Variants in HDAC8 observed in about 807,000 individuals in gnomAD.
The protein encoded by HDAC8 is histone deacetylase-like 1.
Under a neutral mutation model 32.2 loss-of-function variants are expected in HDAC8, and 1 was observed. The ratio of observed to expected loss-of-function variants is 0.03; its 90% CI spans 0.01 to 0.15. The LOEUF (loss-of-function observed/expected upper bound fraction) is 0.15. HDAC8 is among the 10% of genes least tolerant of loss of function. HDAC8 has a pLI of 1.00. For missense variants in HDAC8, 117 were observed against 300.0 expected, an observed-to-expected ratio of 0.39 and a Z score of 4.51; for synonymous variants, 108 against 113.9, an observed-to-expected ratio of 0.95 and a Z score of 0.33.
At chrX:72,438,541 A>G (rs1182897473) in intron 9 of HDAC8, among the ~76,000 whole-genome samples, 3 of 111,701 alleles carry the variant, frequency 2.7e-5, no homozygotes, top group African/African-American at 9.8e-5. Flanking sequence ...GTTCTAACCC[A>G]ATGCAAGGAA....
chrX:72,353,904 A>G (rs2044252918), intron 9 of HDAC8, among the ~76,000 whole-genome samples: 1 of 112,083 alleles, frequency 8.9e-6, no homozygotes, highest in African/African-American at 3.2e-5. Context: ...CGAAGATGAC[A>G]CTGCTGATTC....
At chrX:72,513,617 T>C (rs1173044118) in intron 4 of HDAC8, among the ~76,000 whole-genome samples, 1 of 111,504 alleles carries the variant, frequency 9.0e-6, no homozygotes, top group African/African-American at 3.3e-5. Context: ...CATGAGCCAC[T>C]GCGCCTGGCC....
intron 4 of HDAC8, among the ~76,000 whole-genome samples, chrX:72,565,867 C>T (rs782115592): frequency 6.3e-5 from 7 of 110,934 alleles, no homozygotes; most frequent in South Asian, 7.8e-4. Context: ...AAAAGGCAGG[C>T]GGTGTGCAGT....
At chrX:72,452,625 G>T (rs782124159) in intron 9 of HDAC8, among the ~76,000 whole-genome samples, 1 of 111,695 alleles carries the variant, frequency 9.0e-6, no homozygotes, top group Non-Finnish European at 1.9e-5. Context: ...AAAAAGGCTA[G>T]TCAAGACCTA....
chrX:72,504,528 T>A (rs1196379388), intron 4 of HDAC8, among the ~76,000 whole-genome samples: 1 of 111,633 alleles, frequency 9.0e-6, no homozygotes, highest in Non-Finnish European at 1.9e-5. Flanking sequence ...TAGAGCTGAA[T>A]AATATTCCAT....
chrX:72,494,282 C>T (rs150712671), intron 5 of HDAC8, among the ~76,000 whole-genome samples: 2,955 of 110,333 alleles, frequency 0.027, 103 homozygotes, highest in African/African-American at 0.092. Context: ...ATCCTTCTTT[C>T]TCTGTTTTGG....
intron 4 of HDAC8, among the ~76,000 whole-genome samples, chrX:72,521,305 C>T (rs1428947887): frequency 9.0e-6 from 1 of 111,172 alleles, no homozygotes; most frequent in Non-Finnish European, 1.9e-5. Flanking sequence ...CTCTCGCTGT[C>T]TTTGGAGTAG....
At chrX:72,420,716 C>T (rs1206789871) in intron 9 of HDAC8, among the ~76,000 whole-genome samples, 1 of 111,853 alleles carries the variant, frequency 8.9e-6, no homozygotes, top group African/African-American at 3.2e-5. Context: ...CAGTACATAA[C>T]GTCTGACTTT....
intron 7 of HDAC8, chrX:72,474,161 G>A (rs1187265682): frequency 9.3e-6 from 7 of 749,830 alleles, no homozygotes; most frequent in African/African-American, 4.6e-5. Flanking sequence ...CAGATCAAAT[G>A]TTACCTCCTC....
intron 9 of HDAC8, among the ~76,000 whole-genome samples, chrX:72,439,569 A>G (rs781809114): frequency 3.1e-4 from 33 of 106,281 alleles, no homozygotes; most frequent in Non-Finnish European, 6.2e-4. Context: ...CAGGAGGCCC[A>G]TCTCACGTGC....
chrX:72,540,018 A>G (rs1355684232), intron 4 of HDAC8, among the ~76,000 whole-genome samples: 3 of 111,903 alleles, frequency 2.7e-5, no homozygotes, highest in Non-Finnish European at 5.6e-5. Context: ...TGAGAAGGAA[A>G]GAGCTGATAT....
At chrX:72,552,428 T>A (rs1603225699) in intron 4 of HDAC8, among the ~76,000 whole-genome samples, 2 of 111,444 alleles carry the variant, frequency 1.8e-5, no homozygotes, top group South Asian at 7.5e-4. Flanking sequence ...CTGGCCAACA[T>A]GGCAAAACCC....
chrX:72,469,837 G>A (rs1191047910), intron 7 of HDAC8, among the ~76,000 whole-genome samples: 1 of 110,896 alleles, frequency 9.0e-6, no homozygotes, highest in Non-Finnish European at 1.9e-5. Flanking sequence ...AATATAATGA[G>A]AGGACATTCT....
chrX:72,485,926 A>C (rs1295533105), intron 7 of HDAC8, among the ~76,000 whole-genome samples: 1 of 110,019 alleles, frequency 9.1e-6, no homozygotes, highest in Non-Finnish European at 1.9e-5. Flanking sequence ...TCGAGACCAT[A>C]GTGGCTAACA....
At chrX:72,402,657 A>G (rs2045937845) in intron 9 of HDAC8, among the ~76,000 whole-genome samples, 1 of 111,004 alleles carries the variant, frequency 9.0e-6, no homozygotes, top group African/African-American at 3.3e-5. Context: ...TGAATTTCCC[A>G]AATTTCCTTC....
chrX:72,498,225 G>T (rs1302117596), intron 4 of HDAC8, among the ~76,000 whole-genome samples: 1 of 107,616 alleles, frequency 9.3e-6, no homozygotes, highest in Non-Finnish European at 1.9e-5. Context: ...GTGCTAGAAA[G>T]AATTAGATTT....
At chrX:72,451,195 GT>G (rs57902720) in intron 9 of HDAC8, among the ~76,000 whole-genome samples, 75 of 102,496 alleles carry the variant, frequency 7.3e-4, no homozygotes, top group Middle Eastern at 5.0e-3. Context: ...CTTTCTCTCT[GT>G]TTTTTTTTTT....
At chrX:72,494,858 T>G (rs1054077649) in intron 5 of HDAC8, among the ~76,000 whole-genome samples, 16 of 111,299 alleles carry the variant, frequency 1.4e-4, no homozygotes, top group Non-Finnish European at 2.5e-4. Flanking sequence ...GGAAATGACC[T>G]GAGGGAGGTT....
chrX:72,503,640 T>C (rs1263719181), intron 4 of HDAC8, among the ~76,000 whole-genome samples: 1 of 111,994 alleles, frequency 8.9e-6, no homozygotes, highest in Non-Finnish European at 1.9e-5. Context: ...TGAGTATTCT[T>C]ATTTTCATAG....
Sources: allele counts gnomAD v4.1 joint callset (sites outside exome capture counted in the v4.1 genomes callset), GRCh38; gene constraint gnomAD v4.1.1; transcripts MANE v1.5; gene names NCBI Gene and HGNC (gene_info 2026-07-23, HGNC 2026-07-21).